Variants in CSGALNACT1 observed in about 807,000 individuals in gnomAD.
CSGALNACT1 encodes the protein beta4GalNAcT-1.
In CSGALNACT1, 52 loss-of-function variants were observed where a neutral mutation model predicts 51.0. The ratio of observed to expected loss-of-function variants is 1.02; its 90% confidence interval spans 0.82 to 1.29. The LOEUF is 1.29. CSGALNACT1 is among the 50% of genes most tolerant of loss of function. The pLI is 0.00. For missense variants in CSGALNACT1, 935 were observed against 679.2 expected (o/e 1.38, Z -4.19); for synonymous variants, 341 against 254.4 (o/e 1.34, Z -3.24).
intron 4 of CSGALNACT1, among the ~76,000 whole-genome samples, chr8:19,479,146 T>C (rs192883022): frequency 2.6e-4 from 39 of 152,334 alleles, no homozygotes; most frequent in African/African-American, 9.1e-4. Context: ...GAAAATACAA[T>C]TCAGAGCAGG....
At chr8:19,485,317 C>T (rs1038733770) in intron 4 of CSGALNACT1, among the ~76,000 whole-genome samples, 1 of 152,100 alleles carries the variant, frequency 6.6e-6, no homozygotes, top group African/African-American at 2.4e-5. Context: ...ATTAGTAAAC[C>T]ATGCTGCTCC....
chr8:19,444,315 A>G (rs534137488), intron 5 of CSGALNACT1, among the ~76,000 whole-genome samples: 2 of 152,358 alleles, frequency 1.3e-5, no homozygotes, highest in South Asian at 2.1e-4. Context: ...ATGACAAGGA[A>G]AAAAAAGTTT....
rs1304340453 is a variant in CSGALNACT1 at position 19,595,082 on chromosome 8, T to C, written c.-415-3804A>G. ...TCTTCCAATAGATTCCTTTCCTGCT[T>C]AAGTAAGCCTCATTGATTTCTGTTT... On this transcript the variant is annotated intron_variant, in intron 2 of 9. Coordinates refer to ENST00000454498, the Ensembl canonical transcript of CSGALNACT1. 6.6e-5 allele frequency among the ~76,000 whole-genome samples: 10 copies of C among 152,188 alleles called. No homozygotes were observed. The East Asian group carries it at 1.9e-3, about 29-fold the overall frequency.
At chr8:19,408,794 C>A in intron 8 of CSGALNACT1, 100 bp from the exon 8 acceptor site, 1 of 1,015,686 alleles carries the variant, frequency 9.8e-7, no homozygotes, top group East Asian at 2.4e-5. Context: ...GGAGCCCATC[C>A]CATCACTGAT....
At chr8:19,505,401 G>A (rs2077126914) in exon 4 of CSGALNACT1, 10 of 1,614,214 alleles carry the variant, frequency 6.2e-6, no homozygotes, top group South Asian at 4.4e-5. Context: ...GAAAGGCACT[G>A]CTGCATACTC....
At chr8:19,625,962 T>A (rs1471088631) in intron 1 of CSGALNACT1, among the ~76,000 whole-genome samples, 1 of 152,198 alleles carries the variant, frequency 6.6e-6, no homozygotes, top group Non-Finnish European at 1.5e-5. Context: ...TGCAAAGATT[T>A]AAAGAGCTTT....
At chr8:19,571,078 C>A (rs539323806) in intron 3 of CSGALNACT1, among the ~76,000 whole-genome samples, 2 of 152,116 alleles carry the variant, frequency 1.3e-5, no homozygotes, top group South Asian at 2.1e-4. Flanking sequence ...CTCAGGTGAT[C>A]TCCCACCTCA....
chr8:19,611,862 G>A (rs372150654), intron 1 of CSGALNACT1, among the ~76,000 whole-genome samples: 4 of 152,094 alleles, frequency 2.6e-5, no homozygotes, highest in Admixed American at 6.6e-5. Context: ...CAGCAGAATC[G>A]GTTTTGGTCA....
At chr8:19,733,083 T>A (rs990654372) in intron 1 of CSGALNACT1, among the ~76,000 whole-genome samples, 1 of 152,212 alleles carries the variant, frequency 6.6e-6, no homozygotes, top group Non-Finnish European at 1.5e-5. Flanking sequence ...TTTCTGAGGA[T>A]TAATAAATAA....
chr8:19,539,679 G>A (rs1170046040), intron 3 of CSGALNACT1, among the ~76,000 whole-genome samples: 1 of 152,200 alleles, frequency 6.6e-6, no homozygotes, highest in East Asian at 1.9e-4. Flanking sequence ...CACAACAGGA[G>A]TATGCACAGT....
chr8:19,656,288 G>C (rs570748665), intron 1 of CSGALNACT1, among the ~76,000 whole-genome samples: 4 of 152,228 alleles, frequency 2.6e-5, no homozygotes, highest in South Asian at 4.1e-4. Flanking sequence ...GAGGGAAAAA[G>C]ATCTATCCTA....
intron 3 of CSGALNACT1, among the ~76,000 whole-genome samples, chr8:19,554,207 T>C (rs2089093958): frequency 6.6e-6 from 1 of 152,166 alleles, no homozygotes; most frequent in South Asian, 2.1e-4. Flanking sequence ...ACAAGTTATC[T>C]GCAAGGGAAG....
chr8:19,747,160 T>A (rs2154252059), intron 1 of CSGALNACT1, among the ~76,000 whole-genome samples: 1 of 152,224 alleles, frequency 6.6e-6, no homozygotes, highest in East Asian at 1.9e-4. Context: ...AAATTCATCA[T>A]CTTGAGACGA....
chr8:19,638,824 A>G (rs1448803259), intron 1 of CSGALNACT1, among the ~76,000 whole-genome samples: 1 of 152,096 alleles, frequency 6.6e-6, no homozygotes, highest in East Asian at 1.9e-4. Context: ...TTGTAAATTC[A>G]ATAGATGATC....
intron 1 of CSGALNACT1, among the ~76,000 whole-genome samples, chr8:19,704,227 G>T (rs1439919258): frequency 1.3e-5 from 2 of 152,166 alleles, no homozygotes; most frequent in African/African-American, 4.8e-5. Context: ...TGCTGCCAAA[G>T]GAGAAAGAAG....
intron 3 of CSGALNACT1, among the ~76,000 whole-genome samples, chr8:19,590,876 C>G (rs11204053): frequency 0.13 from 19,671 of 151,894 alleles, 1,496 homozygotes; most frequent in Non-Finnish European, 0.17. Context: ...GTTTTGAACT[C>G]GTGACCTCAA....
chr8:19,689,632 A>G (rs1415723198), intron 1 of CSGALNACT1, among the ~76,000 whole-genome samples: 1 of 152,240 alleles, frequency 6.6e-6, no homozygotes, highest in Non-Finnish European at 1.5e-5. Context: ...AACTATTAAG[A>G]TTTATAGGAG....
chr8:19,716,355 A>G (rs1052578251), intron 1 of CSGALNACT1, among the ~76,000 whole-genome samples: 3 of 152,158 alleles, frequency 2.0e-5, no homozygotes, highest in African/African-American at 7.2e-5. Context: ...AATAGAAGAT[A>G]TGATCTTCCT....
intron 1 of CSGALNACT1, among the ~76,000 whole-genome samples, chr8:19,629,545 T>C (rs542717022): frequency 1.3e-5 from 2 of 152,382 alleles, no homozygotes; most frequent in African/African-American, 4.8e-5. Flanking sequence ...AACCGAGGCA[T>C]ATCTGCCTTT....
Sources: allele counts gnomAD v4.1 joint callset (sites outside exome capture counted in the v4.1 genomes callset), GRCh38; gene constraint gnomAD v4.1.1; transcripts MANE v1.5; gene names NCBI Gene and HGNC (gene_info 2026-07-23, HGNC 2026-07-21).